The following ERCC6L2 variants were observed in gnomAD, a reference collection of about 807,000 sequenced individuals.
ERCC6L2 encodes the protein ERCC excision repair 6 like 2.
A neutral mutation model predicts 132.0 loss-of-function variants in ERCC6L2; 77 were observed. The ratio of observed to expected loss-of-function variants is 0.58; its 90% CI spans 0.49 to 0.71. ERCC6L2 has a LOEUF of 0.71. ERCC6L2 is among the 30% of genes least tolerant of loss of function. ERCC6L2 has a pLI of 0.00. For synonymous variants in ERCC6L2, 583 were observed against 632.4 expected (o/e 0.92, Z 1.17); for missense variants, 1,542 against 1,837.6 (o/e 0.84, Z 2.94).
At chr9:95,946,863 A>G (rs1028128788) in intron 12 of ERCC6L2, among the ~76,000 whole-genome samples, 1 of 152,112 alleles carries the variant, frequency 6.6e-6, no homozygotes, top group African/African-American at 2.4e-5. Flanking sequence ...TTACTATTGT[A>G]TTTGTTTCAG....
chr9:95,988,607 A>C (rs574821936), intron 17 of ERCC6L2, among the ~76,000 whole-genome samples: 1 of 152,312 alleles, frequency 6.6e-6, no homozygotes, highest in African/African-American at 2.4e-5. Flanking sequence ...TTTTTGGCAA[A>C]TATCCTCCAG....
At chr9:95,913,789 TTAACA>T (rs1455451040) in intron 4 of ERCC6L2, among the ~76,000 whole-genome samples, 1 of 152,226 alleles carries the variant, frequency 6.6e-6, no homozygotes, top group African/African-American at 2.4e-5. Flanking sequence ...CTTCTTTCAC[TTAACA>T]TAATGTTTTT....
chr9:95,884,845 G>A (rs1186293459), intron 2 of ERCC6L2, among the ~76,000 whole-genome samples: 1 of 152,182 alleles, frequency 6.6e-6, no homozygotes, highest in Non-Finnish European at 1.5e-5. Context: ...GGGAATAAAA[G>A]TGACCTAGTA....
At chr9:95,950,014 CAA>C (rs80349353) in intron 12 of ERCC6L2, among the ~76,000 whole-genome samples, 12 of 68,574 alleles carry the variant, frequency 1.7e-4, no homozygotes, top group Middle Eastern at 0.011. Flanking sequence ...GACTCCGTCT[CAA>C]AAAAAAAAAA....
At position 95,970,628 on chromosome 9, in the gene ERCC6L2, A is replaced by C; in HGVS notation, c.2153A>C (p.Glu718Ala). The change falls in exon 15 of 19, where the codon GAG becomes GCG. Residue 718 changes from glutamate to alanine, a missense_variant. Physicochemically the swap from Glu to Ala is moderately radical, Grantham distance 107. Transcript: ENST00000653738. Reference sequence around the variant, plus strand: ...ATGACAGCCACAACATGGTTGAAAGAGGGACCTCCAGCACACAAACTGGAA... The same window carrying C: ...ATGACAGCCACAACATGGTTGAAAGCGGGACCTCCAGCACACAAACTGGAA... ...GIMTATTWLK[E>A]GPPAHKLEMP... 2 of 1,303,938 alleles carry C rather than the reference A, an allele frequency of 1.5e-6. No individual in the cohort carries two copies. Among genetic ancestry groups the C allele is most frequent in the African/African-American group, 1.5e-5 (1 of 65,930 alleles). 80.8% of individuals were successfully genotyped at this position (1,303,938 alleles called of 1,614,324 possible).
chr9:95,888,219 A>G (rs774866967), intron 2 of ERCC6L2, among the ~76,000 whole-genome samples: 3 of 152,088 alleles, frequency 2.0e-5, no homozygotes, highest in Admixed American at 6.6e-5. Context: ...AATTTTTGCT[A>G]TGCCTTCCTC....
chr9:95,922,025 A>G (rs1437066879), intron 7 of ERCC6L2, among the ~76,000 whole-genome samples: 1 of 152,240 alleles, frequency 6.6e-6, no homozygotes, highest in Non-Finnish European at 1.5e-5. Context: ...ACCTCGTAAC[A>G]GCAACATTTC....
chr9:95,984,595 TA>T (rs1270397158), intron 17 of ERCC6L2, among the ~76,000 whole-genome samples: 1 of 152,166 alleles, frequency 6.6e-6, no homozygotes, highest in Non-Finnish European at 1.5e-5. Flanking sequence ...GTCCTGTGAT[TA>T]TTCTAAAGTA....
intron 2 of ERCC6L2, among the ~76,000 whole-genome samples, chr9:95,890,800 C>G (rs934110510): frequency 6.6e-6 from 1 of 152,126 alleles, no homozygotes; most frequent in Non-Finnish European, 1.5e-5. Context: ...TCCCGAGTAG[C>G]TGGGACTACA....
rs755232199 is a variant in ERCC6L2, at chr9:95,907,071, G to C, written c.595-7G>C. On this transcript the variant is annotated splice_polypyrimidine_tract_variant and splice_region_variant and intron_variant, in intron 3 of 18. Coordinates refer to ENST00000653738, the MANE Select transcript of ERCC6L2 (RefSeq NM_020207.7). ...AAAACAGCAAAATTTTTTTATTCTT[G>C]TTTTAGATGTTCTTAATAGTTGCTC... The C allele has an allele frequency of 3.2e-6, 5 of 1,582,164 alleles. No individual in the cohort carries two copies. Among genetic ancestry groups the C allele is most frequent in the Admixed American group, 2.0e-5 (1 of 49,370 alleles).
intron 11 of ERCC6L2, among the ~76,000 whole-genome samples, chr9:95,936,886 C>T (rs1160278374): frequency 6.6e-6 from 1 of 152,108 alleles, no homozygotes; most frequent in African/African-American, 2.4e-5. Flanking sequence ...AGTATGTAAC[C>T]TTTTGGGATT....
chr9:95,911,051 T>C (rs1338415040), intron 4 of ERCC6L2, among the ~76,000 whole-genome samples: 1 of 152,152 alleles, frequency 6.6e-6, no homozygotes, highest in Non-Finnish European at 1.5e-5. Context: ...TGCGCCACCA[T>C]GCCTGGAAAA....
intron 19 of ERCC6L2, chr9:96,026,019 G>A (rs4743469): frequency 0.032 from 4,838 of 152,568 alleles, 105 homozygotes; most frequent in East Asian, 0.13. Context: ...GAAGTCATGA[G>A]GGTTCTGAGA....
At chr9:95,921,411 C>T (rs900229007) in intron 7 of ERCC6L2, 96 bp downstream of exon 7, 2 of 963,818 alleles carry the variant, frequency 2.1e-6, no homozygotes, top group Non-Finnish European at 2.9e-6. Flanking sequence ...ATACCTTTTC[C>T]TCAGACAGTT....
intron 18 of ERCC6L2, among the ~76,000 whole-genome samples, chr9:96,007,551 G>T: frequency 6.6e-6 from 1 of 152,218 alleles, no homozygotes; most frequent in East Asian, 1.9e-4. Context: ...TCTGAGAAAA[G>T]AATGGTCTGG....
intron 5 of ERCC6L2, 121 bp downstream of exon 5, chr9:95,915,950 G>A: frequency 5.0e-6 from 5 of 999,962 alleles, no homozygotes; most frequent in Non-Finnish European, 7.2e-6. Context: ...AGATGTGTTT[G>A]ATCCCAGATG....
intron 17 of ERCC6L2, among the ~76,000 whole-genome samples, chr9:95,987,944 C>G (rs1045168095): frequency 3.3e-5 from 5 of 152,210 alleles, no homozygotes; most frequent in Admixed American, 6.5e-5. Context: ...CCCATAGGCT[C>G]AACACCACGT....
chr9:95,926,583 A>G (rs990406064), intron 9 of ERCC6L2, among the ~76,000 whole-genome samples: 3 of 152,296 alleles, frequency 2.0e-5, no homozygotes, highest in South Asian at 4.1e-4. Flanking sequence ...AGGCAAAACT[A>G]TGGAGACAGT....
chr9:96,032,908 C>T (rs1330706371), intron 19 of ERCC6L2, among the ~76,000 whole-genome samples: 3 of 152,096 alleles, frequency 2.0e-5, no homozygotes, highest in Non-Finnish European at 2.9e-5. Context: ...TTTCTATTTC[C>T]CCATTGGAGC....
Sources: allele counts gnomAD v4.1 joint callset (sites outside exome capture counted in the v4.1 genomes callset), GRCh38; gene constraint gnomAD v4.1.1; transcripts MANE v1.5; gene names NCBI Gene and HGNC (gene_info 2026-07-23, HGNC 2026-07-21).